The following THSD4 variants were observed in gnomAD, a reference collection of about 807,000 sequenced individuals.
THSD4 encodes thrombospondin type-1 domain-containing protein 4.
A neutral mutation model predicts 119.0 loss-of-function variants in THSD4; 69 were observed. The ratio of observed to expected loss-of-function variants is 0.58; its 90% CI spans 0.48 to 0.71. The LOEUF (loss-of-function observed/expected upper bound fraction) is 0.71. Among genes scored for constraint, THSD4 ranks in the 30% least tolerant of loss-of-function variants. THSD4 has a pLI of 0.00. For synonymous variants in THSD4, 524 were observed against 540.4 expected (o/e 0.97, Z 0.42); for missense variants, 1,393 against 1,391.1 (o/e 1.00, Z -0.02).
In THSD4 at chr15:71,773,220, AAG is replaced by A. The variant is rs1555451594; in HGVS notation, c.2914+2014_2914+2015del. Among the ~76,000 whole-genome samples the A allele has an allele frequency of 1.0e-3, 135 of 132,142 alleles. 5 individuals carry two copies. The highest frequency in any genetic ancestry group is 4.7e-3 in the African/African-American group (123 of 26,232). The allele number at this position is 132,142 out of a possible 152,430, so 86.7% of individuals were successfully genotyped here. A position where few individuals can be genotyped will look rare whatever the true frequency, so the allele number is the denominator to read the frequency against. On this transcript the variant is annotated intron_variant, in intron 17 of 17. Transcript: ENST00000261862. ...TGTCTCAAAAAAAAAAAAAAAGAAA[AAG>A]AAAAAAGAAAAGAAAAAAAAGTTAT... is the stretch of plus-strand genomic sequence containing the variant.
intron 15 of THSD4, among the ~76,000 whole-genome samples, chr15:71,762,275 G>A (rs1359158911): frequency 1.3e-5 from 2 of 152,040 alleles, no homozygotes; most frequent in Admixed American, 6.6e-5. Context: ...AGGCTGAGAC[G>A]GGCTCATTCT....
At chr15:71,516,158 G>T (rs747754305) in intron 7 of THSD4, among the ~76,000 whole-genome samples, 1 of 152,222 alleles carries the variant, frequency 6.6e-6, no homozygotes, top group South Asian at 2.1e-4. Context: ...TACAGGTGGT[G>T]TCCTGGAAGA....
At chr15:71,327,677 G>C (rs1424911473) in intron 6 of THSD4, among the ~76,000 whole-genome samples, 1 of 151,604 alleles carries the variant, frequency 6.6e-6, no homozygotes, top group Non-Finnish European at 1.5e-5. Flanking sequence ...AAAGCACAAT[G>C]CTGAATGTAT....
intron 7 of THSD4, among the ~76,000 whole-genome samples, chr15:71,441,483 T>TG: frequency 8.5e-6 from 1 of 117,238 alleles, no homozygotes; most frequent in South Asian, 3.0e-4. Context: ...CCCCTGGGGT[T>TG]TTTTTTTTTT....
intron 7 of THSD4, among the ~76,000 whole-genome samples, chr15:71,463,947 G>A (rs752129566): frequency 2.0e-5 from 3 of 152,014 alleles, no homozygotes; most frequent in Non-Finnish European, 2.9e-5. Context: ...TATTCCATGC[G>A]AGTGCTTTTT....
At chr15:71,527,470 A>G (rs1415438882) in intron 7 of THSD4, among the ~76,000 whole-genome samples, 1 of 152,188 alleles carries the variant, frequency 6.6e-6, no homozygotes, top group Non-Finnish European at 1.5e-5. Flanking sequence ...TTTCTTTTTC[A>G]TAATGTATTC....
intron 7 of THSD4, among the ~76,000 whole-genome samples, chr15:71,564,662 A>G (rs1006050766): frequency 8.2e-5 from 2 of 24,514 alleles, no homozygotes; most frequent in African/African-American, 4.3e-4. Context: ...AATACAATAT[A>G]TAGTATATTA....
chr15:71,194,721 T>C (rs959602850), intron 3 of THSD4, among the ~76,000 whole-genome samples: 2 of 152,212 alleles, frequency 1.3e-5, no homozygotes, highest in Non-Finnish European at 2.9e-5. Flanking sequence ...TCAAAAACTA[T>C]GCATAACTCT....
intron 7 of THSD4, among the ~76,000 whole-genome samples, chr15:71,573,221 A>C (rs1348750460): frequency 6.6e-6 from 1 of 152,224 alleles, no homozygotes; most frequent in Admixed American, 6.5e-5. Flanking sequence ...GGCCTTGCAC[A>C]GTGCCTGACA....
intron 6 of THSD4, among the ~76,000 whole-genome samples, chr15:71,398,077 A>G (rs932083341): frequency 3.3e-5 from 5 of 152,180 alleles, no homozygotes; most frequent in Non-Finnish European, 5.9e-5. Context: ...GTGATGGTCC[A>G]TGTAGTGCAG....
At chr15:71,352,261 C>G (rs1204254632) in intron 6 of THSD4, among the ~76,000 whole-genome samples, 1 of 152,184 alleles carries the variant, frequency 6.6e-6, no homozygotes, top group Non-Finnish European at 1.5e-5. Context: ...GTCACTATTA[C>G]GTGCAGCCCT....
chr15:71,372,631 C>T (rs1173484049), intron 6 of THSD4, among the ~76,000 whole-genome samples: 1 of 152,210 alleles, frequency 6.6e-6, no homozygotes, highest in African/African-American at 2.4e-5. Context: ...CCTGATTGTT[C>T]CTCTGGAAGC....
intron 7 of THSD4, among the ~76,000 whole-genome samples, chr15:71,562,057 A>C (rs1299274489): frequency 6.6e-6 from 1 of 152,204 alleles, no homozygotes; most frequent in Non-Finnish European, 1.5e-5. Context: ...TATGAGGATA[A>C]TGAATTTTTT....
intron 6 of THSD4, among the ~76,000 whole-genome samples, chr15:71,376,187 C>T (rs1051411143): frequency 2.6e-5 from 4 of 152,166 alleles, no homozygotes; most frequent in Admixed American, 6.5e-5. Flanking sequence ...ATCCTTTGCT[C>T]ACACCTCTTG....
chr15:71,224,984 G>A (rs947166163), intron 4 of THSD4, among the ~76,000 whole-genome samples: 5 of 152,084 alleles, frequency 3.3e-5, no homozygotes, highest in African/African-American at 7.2e-5. Context: ...TGGAAGGGAG[G>A]GGGGACATTA....
At chr15:71,101,363 A>G (rs2040252882) in intron 1 of THSD4, among the ~76,000 whole-genome samples, 1 of 152,242 alleles carries the variant, frequency 6.6e-6, no homozygotes, top group Non-Finnish European at 1.5e-5. Flanking sequence ...TACCTTTGGC[A>G]TCCCCTGTTT....
At chr15:71,498,650 C>T (rs2048063636) in intron 7 of THSD4, among the ~76,000 whole-genome samples, 1 of 152,056 alleles carries the variant, frequency 6.6e-6, no homozygotes, top group African/African-American at 2.4e-5. Context: ...CCTCTGGTTT[C>T]TGCCTTTTGC....
intron 8 of THSD4, among the ~76,000 whole-genome samples, chr15:71,723,101 G>C (rs1501421): frequency 0.89 from 134,750 of 150,714 alleles, 61,967 homozygotes; most frequent in Non-Finnish European, 1. Flanking sequence ...AAAAAAAAAT[G>C]GGCAGATAAT....
chr15:71,391,357 T>C (rs925467779), intron 6 of THSD4, among the ~76,000 whole-genome samples: 3 of 152,124 alleles, frequency 2.0e-5, no homozygotes, highest in Admixed American at 2.0e-4. Flanking sequence ...TAAAATTCTT[T>C]TTGTAGAGAC....
Sources: gnomAD v4.1 joint callset for allele counts (sites outside exome capture counted in the v4.1 genomes callset) on GRCh38, gnomAD v4.1.1 for gene constraint, MANE v1.5 for transcripts, NCBI Gene and HGNC (gene_info 2026-07-23, HGNC 2026-07-21) for gene names.